DCC: variants seen among roughly 807,000 people sequenced by gnomAD.
DCC encodes DCC netrin 1 receptor, also known as netrin receptor DCC.
A neutral mutation model predicts 172.5 loss-of-function variants in DCC; 58 were observed. The ratio of observed to expected loss-of-function variants is 0.34; its 90% CI spans 0.27 to 0.42. The LOEUF is 0.42. Among genes scored for constraint, DCC ranks in the 10% least tolerant of loss-of-function variants. The pLI is 1.00. For missense variants in DCC, 1,740 were observed against 1,791.0 expected (o/e 0.97, Z 0.51); for synonymous variants, 709 against 644.5 (o/e 1.10, Z -1.52).
chr18:52,473,631 C>T (rs990735973), intron 1 of DCC, among the ~76,000 whole-genome samples: 4 of 152,128 alleles, frequency 2.6e-5, no homozygotes, highest in Non-Finnish European at 5.9e-5. Flanking sequence ...CTTATGAAAC[C>T]ATCAGCTCTC....
intron 5 of DCC, among the ~76,000 whole-genome samples, chr18:52,948,994 A>C (rs942854756): frequency 6.6e-6 from 1 of 152,218 alleles, no homozygotes; most frequent in Non-Finnish European, 1.5e-5. Flanking sequence ...CAGTCATGCC[A>C]TGCTTCCTCT....
chr18:52,845,997 T>G (rs142752273), intron 2 of DCC, among the ~76,000 whole-genome samples: 4 of 152,236 alleles, frequency 2.6e-5, no homozygotes, highest in African/African-American at 9.6e-5. Context: ...TCCAAGGCAC[T>G]GGGGTTGCCT....
chr18:53,419,588 G>A (rs948570920), intron 21 of DCC, among the ~76,000 whole-genome samples: 4 of 151,934 alleles, frequency 2.6e-5, no homozygotes, highest in Non-Finnish European at 5.9e-5. Context: ...TGTCTGTGCT[G>A]TTGTGGGCCT....
At chr18:52,665,980 A>T (rs1211063620) in intron 1 of DCC, among the ~76,000 whole-genome samples, 4 of 152,226 alleles carry the variant, frequency 2.6e-5, no homozygotes, top group Non-Finnish European at 5.9e-5. Context: ...GATTGAAAGC[A>T]TGGTGAAGTA....
chr18:52,499,567 A>G (rs920773678), intron 1 of DCC, among the ~76,000 whole-genome samples: 1 of 152,118 alleles, frequency 6.6e-6, no homozygotes, highest in Non-Finnish European at 1.5e-5. Context: ...TTCTCCCATC[A>G]TATTTCTATT....
intron 7 of DCC, among the ~76,000 whole-genome samples, chr18:53,132,984 A>C (rs1171016928): frequency 6.6e-6 from 1 of 152,204 alleles, no homozygotes; most frequent in South Asian, 2.1e-4. Flanking sequence ...ACCTAGAGCT[A>C]TATGAAGCAG....
chr18:53,234,255 T>G (rs938852073), intron 12 of DCC, among the ~76,000 whole-genome samples: 4 of 150,250 alleles, frequency 2.7e-5, no homozygotes, highest in African/African-American at 9.8e-5. Context: ...CATCTCAAAA[T>G]AAAATGAAAT....
At chr18:52,934,425 G>C (rs1598946256) in intron 5 of DCC, among the ~76,000 whole-genome samples, 1 of 152,152 alleles carries the variant, frequency 6.6e-6, no homozygotes, top group East Asian at 1.9e-4. Flanking sequence ...TAGATAGGGA[G>C]AAACTTAAAA....
chr18:53,102,815 A>G (rs1244104204), intron 7 of DCC, among the ~76,000 whole-genome samples: 2 of 151,504 alleles, frequency 1.3e-5, no homozygotes, highest in African/African-American at 2.4e-5. Flanking sequence ...AGAGCACATC[A>G]CCCAAAGGCT....
At chr18:53,224,004 T>C (rs1348919859) in intron 12 of DCC, among the ~76,000 whole-genome samples, 6 of 152,204 alleles carry the variant, frequency 3.9e-5, no homozygotes, top group Non-Finnish European at 8.8e-5. Context: ...GAAATACCAA[T>C]TTTGAACTGT....
At chr18:52,544,932 C>T (rs866628310) in intron 1 of DCC, among the ~76,000 whole-genome samples, 10 of 152,140 alleles carry the variant, frequency 6.6e-5, no homozygotes, top group African/African-American at 2.2e-4. Flanking sequence ...AGAAATACTG[C>T]ACTGTATTAT....
intron 7 of DCC, among the ~76,000 whole-genome samples, chr18:53,120,823 T>A (rs573214581): frequency 6.6e-6 from 1 of 151,938 alleles, no homozygotes; most frequent in East Asian, 1.9e-4. Context: ...ATAGAGAATA[T>A]GTTTTACAGT....
chr18:53,039,690 A>G (rs1277008421), intron 5 of DCC, among the ~76,000 whole-genome samples: 1 of 151,950 alleles, frequency 6.6e-6, no homozygotes, highest in Non-Finnish European at 1.5e-5. Context: ...TGTCTCTGGC[A>G]TAGGTTATTG....
chr18:53,010,832 A>C (rs924322130), intron 5 of DCC, among the ~76,000 whole-genome samples: 8 of 151,248 alleles, frequency 5.3e-5, no homozygotes, highest in Non-Finnish European at 1.0e-4. Context: ...TTAGAAATTC[A>C]GTAAATGGCC....
At chr18:53,098,918 G>C (rs2043124457) in intron 7 of DCC, among the ~76,000 whole-genome samples, 1 of 152,114 alleles carries the variant, frequency 6.6e-6, no homozygotes, top group African/African-American at 2.4e-5. Context: ...GGCTGAGACA[G>C]AGAGGATTGC....
chr18:52,860,164 T>TC (rs2039117539), intron 2 of DCC, among the ~76,000 whole-genome samples: 1 of 152,234 alleles, frequency 6.6e-6, no homozygotes, highest in Admixed American at 6.5e-5. Context: ...GATTTGTTTT[T>TC]CTAGAGTGTC....
intron 1 of DCC, among the ~76,000 whole-genome samples, chr18:52,426,436 G>C (rs921572406): frequency 6.6e-6 from 1 of 151,776 alleles, no homozygotes; most frequent in African/African-American, 2.4e-5. Context: ...GACCCAGTGG[G>C]CACAAGAGTT....
chr18:53,240,512 T>C (rs2056277231), intron 12 of DCC, among the ~76,000 whole-genome samples: 1 of 152,192 alleles, frequency 6.6e-6, no homozygotes, highest in African/African-American at 2.4e-5. Context: ...GGAATATTTG[T>C]AGACAATGTA....
intron 5 of DCC, among the ~76,000 whole-genome samples, chr18:52,970,144 A>G (rs1277296777): frequency 1.3e-5 from 2 of 152,170 alleles, no homozygotes; most frequent in Non-Finnish European, 1.5e-5. Flanking sequence ...ATATTTACAT[A>G]CCTACTTAAA....
Sources: allele counts gnomAD v4.1 joint callset (sites outside exome capture counted in the v4.1 genomes callset), GRCh38; gene constraint gnomAD v4.1.1; transcripts MANE v1.5; gene names NCBI Gene and HGNC (gene_info 2026-07-23, HGNC 2026-07-21).